The following DEPTOR variants were observed in gnomAD, a reference collection of about 807,000 sequenced individuals.
DEPTOR encodes DEP domain containing MTOR interacting protein, also known as DEP domain-containing mTOR-interacting protein.
Under a neutral mutation model 41.6 loss-of-function variants are expected in DEPTOR, and 41 were observed. That is an observed-to-expected ratio of 0.98 (90% confidence interval 0.77 to 1.28). The LOEUF is 1.28. Among genes scored for constraint, DEPTOR ranks in the 50% most tolerant of loss-of-function variants. The pLI is 0.00. For missense variants in DEPTOR, 514 were observed against 527.9 expected, an observed-to-expected ratio of 0.97 and a Z score of 0.26; for synonymous variants, 195 against 192.3, an observed-to-expected ratio of 1.01 and a Z score of -0.12.
chr8:119,993,133 T>A (rs548142882), intron 4 of DEPTOR, among the ~76,000 whole-genome samples: 1 of 152,342 alleles, frequency 6.6e-6, no homozygotes, highest in African/African-American at 2.4e-5. Flanking sequence ...GAGGAAAATG[T>A]AGTCACGTTA....
At chr8:119,974,042 A>T (rs1251336914) in intron 4 of DEPTOR, among the ~76,000 whole-genome samples, 1 of 151,980 alleles carries the variant, frequency 6.6e-6, no homozygotes, top group Non-Finnish European at 1.5e-5. Flanking sequence ...GATCAGCCTA[A>T]GCCTGGAATA....
intron 6 of DEPTOR, 35 bp downstream of exon 6, chr8:120,003,146 T>C: frequency 2.5e-6 from 4 of 1,600,866 alleles, no homozygotes; most frequent in Non-Finnish European, 3.4e-6. Flanking sequence ...CTCCTAAGAC[T>C]GTGGGGACTT....
intron 1 of DEPTOR, among the ~76,000 whole-genome samples, chr8:119,881,216 G>C (rs1355350370): frequency 6.6e-6 from 1 of 152,136 alleles, no homozygotes; most frequent in Non-Finnish European, 1.5e-5. Flanking sequence ...TGTTAATGCA[G>C]TTTTCAGAAA....
chr8:120,034,932 A>G (rs1812958122), intron 8 of DEPTOR, among the ~76,000 whole-genome samples: 1 of 152,302 alleles, frequency 6.6e-6, no homozygotes, highest in Admixed American at 6.5e-5. Flanking sequence ...CTTACGGAGG[A>G]AAAAATTTGA....
At chr8:120,044,879 G>A (rs1813131767) in intron 8 of DEPTOR, among the ~76,000 whole-genome samples, 1 of 152,184 alleles carries the variant, frequency 6.6e-6, no homozygotes, top group African/African-American at 2.4e-5. Flanking sequence ...TAAATTGTAA[G>A]CTTCGTGAAG....
chr8:119,881,075 C>T (rs1442030641), intron 1 of DEPTOR, among the ~76,000 whole-genome samples: 2 of 152,228 alleles, frequency 1.3e-5, no homozygotes, highest in African/African-American at 4.8e-5. Context: ...GCAGTTCTTT[C>T]AAATTGTTTG....
intron 4 of DEPTOR, among the ~76,000 whole-genome samples, chr8:119,975,730 G>C (rs1056711025): frequency 1.3e-5 from 2 of 152,050 alleles, no homozygotes; most frequent in African/African-American, 4.8e-5. Flanking sequence ...CAAGGTGGAG[G>C]CCCAGTAGAA....
At chr8:119,982,153 C>T (rs992007196) in intron 4 of DEPTOR, among the ~76,000 whole-genome samples, 3 of 151,574 alleles carry the variant, frequency 2.0e-5, no homozygotes, top group East Asian at 1.9e-4. Flanking sequence ...TTGGTTTCTA[C>T]ATATTTATTA....
chr8:119,962,659 T>C (rs1368008983), intron 3 of DEPTOR, among the ~76,000 whole-genome samples: 1 of 152,194 alleles, frequency 6.6e-6, no homozygotes, highest in South Asian at 2.1e-4. Context: ...ATTATCAGGT[T>C]TGAATTTTTA....
At chr8:120,003,179 A>T in intron 6 of DEPTOR, 68 bp downstream of exon 6, 1 of 1,579,838 alleles carries the variant, frequency 6.3e-7, no homozygotes, top group Non-Finnish European at 8.6e-7. Context: ...GGGAAGCAGA[A>T]TCTGAGATAG....
At chr8:119,932,286 A>G (rs770779011) in intron 3 of DEPTOR, among the ~76,000 whole-genome samples, 1 of 151,750 alleles carries the variant, frequency 6.6e-6, no homozygotes, top group Non-Finnish European at 1.5e-5. Context: ...CACCTATAAC[A>G]CTCTTCTCTA....
chr8:119,914,033 C>CTTT (rs11314693), intron 1 of DEPTOR, among the ~76,000 whole-genome samples: 1 of 141,982 alleles, frequency 7.0e-6, no homozygotes, highest in African/African-American at 2.6e-5. Context: ...TCTTTCTTTT[C>CTTT]TTTTTTTTTT....
chr8:119,996,436 A>T (rs185935654), intron 4 of DEPTOR, among the ~76,000 whole-genome samples: 96 of 152,308 alleles, frequency 6.3e-4, no homozygotes, highest in African/African-American at 2.1e-3. Flanking sequence ...ATGTTACCTG[A>T]CTTCCTCATG....
intron 1 of DEPTOR, among the ~76,000 whole-genome samples, chr8:119,888,962 G>A (rs1002392461): frequency 6.6e-6 from 1 of 151,908 alleles, no homozygotes; most frequent in African/African-American, 2.4e-5. Flanking sequence ...AGGAGTGGGA[G>A]TTGGGAGAAT....
At chr8:119,947,534 T>C (rs559934674) in intron 3 of DEPTOR, among the ~76,000 whole-genome samples, 8 of 152,302 alleles carry the variant, frequency 5.3e-5, no homozygotes, top group African/African-American at 1.7e-4. Flanking sequence ...GAACCCCTTC[T>C]GGTTTCTAGC....
intron 1 of DEPTOR, among the ~76,000 whole-genome samples, chr8:119,927,783 A>G (rs1351754867): frequency 6.6e-6 from 1 of 151,194 alleles, no homozygotes; most frequent in African/African-American, 2.4e-5. Flanking sequence ...TAATTTTTGT[A>G]TTTTTAGTAG....
chr8:120,007,401 G>A (rs1284251928), intron 7 of DEPTOR, among the ~76,000 whole-genome samples: 2 of 152,146 alleles, frequency 1.3e-5, no homozygotes, highest in Non-Finnish European at 2.9e-5. Context: ...CTTCGACAAT[G>A]TGTGCATGCC....
rs544638611 is a variant in DEPTOR at position 120,028,848 on chromosome 8, G to T, written c.1101+19715G>T. ...GCCTGTAATCCCAGCATTTTGGGAGGCCGAGGCAGGAGGATCACCTGAGGT... is the reference window on the plus strand; with the variant it reads ...GCCTGTAATCCCAGCATTTTGGGAGTCCGAGGCAGGAGGATCACCTGAGGT... On this transcript the variant is annotated intron_variant, in intron 8 of 8. Coordinates refer to ENST00000286234, the MANE Select transcript of DEPTOR (RefSeq NM_022783.4). 1.9e-3 allele frequency among the ~76,000 whole-genome samples: 286 copies of T among 151,918 alleles called. 1 individual carries two copies. Among genetic ancestry groups the T allele is most frequent in the Middle Eastern group, 3.4e-3 (1 of 294 alleles).
chr8:119,907,571 G>A (rs996069959), intron 1 of DEPTOR, among the ~76,000 whole-genome samples: 4 of 152,134 alleles, frequency 2.6e-5, no homozygotes, highest in African/African-American at 9.7e-5. Flanking sequence ...TTGGGAGACC[G>A]AGGCAGGTGG....
Sources: allele counts gnomAD v4.1 joint callset (sites outside exome capture counted in the v4.1 genomes callset), GRCh38; gene constraint gnomAD v4.1.1; transcripts MANE v1.5; gene names NCBI Gene and HGNC (gene_info 2026-07-23, HGNC 2026-07-21).